MRTFB: variants seen among roughly 807,000 people sequenced by gnomAD.
MRTFB encodes myocardin related transcription factor B, also known as myocardin-related transcription factor B.
Under a neutral mutation model 104.2 loss-of-function variants are expected in MRTFB, and 29 were observed. That is an observed-to-expected ratio of 0.28 (90% CI 0.21 to 0.38). The LOEUF is 0.38. Among genes scored for constraint, MRTFB ranks in the 10% least tolerant of loss-of-function variants. The pLI is 1.00. For missense variants in MRTFB, 1,270 were observed against 1,341.6 expected, an observed-to-expected ratio of 0.95 and a Z score of 0.83; for synonymous variants, 535 against 519.5, an observed-to-expected ratio of 1.03 and a Z score of -0.41.
the MRTFB span, among the ~76,000 whole-genome samples, chr16:14,042,615 G>A: frequency 6.6e-6 from 1 of 152,304 alleles, no homozygotes; most frequent in East Asian, 1.9e-4. Flanking sequence ...AGAGACTTGT[G>A]TGGTTGTGTG....
chr16:13,995,070 C>T, the MRTFB span, among the ~76,000 whole-genome samples: 4 of 152,036 alleles, frequency 2.6e-5, no homozygotes, highest in African/African-American at 9.7e-5. Context: ...CAGAACAGAT[C>T]TGTAAACTCT....
At chr16:14,158,290 C>T (rs948718908) in intron 3 of MRTFB, among the ~76,000 whole-genome samples, 2 of 152,208 alleles carry the variant, frequency 1.3e-5, no homozygotes, top group Non-Finnish European at 2.9e-5. Flanking sequence ...TTCTTGCTTA[C>T]ACGGTAGGCC....
chr16:14,157,633 C>T (rs1385069907), intron 3 of MRTFB, among the ~76,000 whole-genome samples: 5 of 152,152 alleles, frequency 3.3e-5, no homozygotes, highest in African/African-American at 1.2e-4. Flanking sequence ...GGGAGGCTTC[C>T]ATGTCAAAAC....
intron 3 of MRTFB, among the ~76,000 whole-genome samples, chr16:14,164,181 A>G (rs2039145600): frequency 6.6e-6 from 1 of 152,166 alleles, no homozygotes; most frequent in East Asian, 1.9e-4. Context: ...TTACACCATT[A>G]ACCAATCTCT....
At chr16:14,025,941 T>A in the MRTFB span, among the ~76,000 whole-genome samples, 1 of 152,158 alleles carries the variant, frequency 6.6e-6, no homozygotes, top group Admixed American at 6.6e-5. Context: ...AAGTATACAC[T>A]GAAAATTACA....
intron 3 of MRTFB, among the ~76,000 whole-genome samples, chr16:14,168,239 G>A (rs149622247): frequency 1.3e-5 from 2 of 152,026 alleles, no homozygotes; most frequent in Middle Eastern, 3.4e-3. Context: ...GTGTGTGTGT[G>A]TGTGTATGCT....
At chr16:14,256,408 G>A (rs567039082) in intron 15 of MRTFB, among the ~76,000 whole-genome samples, 1 of 152,294 alleles carries the variant, frequency 6.6e-6, no homozygotes, top group African/African-American at 2.4e-5. Flanking sequence ...TCTCTGGGTT[G>A]GATTTAGCGA....
At chr16:14,235,640 A>C (rs1003302611) in intron 9 of MRTFB, among the ~76,000 whole-genome samples, 1 of 152,164 alleles carries the variant, frequency 6.6e-6, no homozygotes, top group African/African-American at 2.4e-5. Context: ...ACAGACCAGA[A>C]TTCTTCCAGT....
chr16:14,022,470 C>T, the MRTFB span, among the ~76,000 whole-genome samples: 1 of 152,304 alleles, frequency 6.6e-6, no homozygotes, highest in East Asian at 1.9e-4. Flanking sequence ...GATCTCCACT[C>T]ACTGCAACTT....
intron 7 of MRTFB, among the ~76,000 whole-genome samples, chr16:14,218,209 G>A (rs986061981): frequency 6.6e-6 from 1 of 152,042 alleles, no homozygotes; most frequent in Admixed American, 6.6e-5. Context: ...ACAGGCACCC[G>A]CCACATGCCC....
intron 8 of MRTFB, among the ~76,000 whole-genome samples, chr16:14,230,693 A>T (rs2042218924): frequency 6.6e-6 from 1 of 152,210 alleles, no homozygotes; most frequent in Non-Finnish European, 1.5e-5. Flanking sequence ...TGGGACTGTA[A>T]ACTAGTTCAA....
At chr16:14,153,633 A>T (rs1473523031) in intron 3 of MRTFB, among the ~76,000 whole-genome samples, 5 of 152,214 alleles carry the variant, frequency 3.3e-5, no homozygotes, top group Non-Finnish European at 5.9e-5. Flanking sequence ...GGACTAAAAA[A>T]ATTTTAATTT....
intron 2 of MRTFB, among the ~76,000 whole-genome samples, chr16:14,102,269 C>T (rs2035745268): frequency 6.6e-6 from 1 of 152,086 alleles, no homozygotes; most frequent in Non-Finnish European, 1.5e-5. Flanking sequence ...GGCTAAGCAG[C>T]TAGTTTTGTG....
chr16:14,132,836 G>T (rs1487974545), intron 2 of MRTFB, among the ~76,000 whole-genome samples: 1 of 152,180 alleles, frequency 6.6e-6, no homozygotes, highest in Non-Finnish European at 1.5e-5. Context: ...GCCAGGAGGT[G>T]TGCTAAGGTC....
At chr16:14,061,293 G>A in the MRTFB span, among the ~76,000 whole-genome samples, 14 of 152,314 alleles carry the variant, frequency 9.2e-5, no homozygotes, top group South Asian at 2.7e-3. Context: ...TGGCCCAGAA[G>A]AGATACTTAC....
intron 2 of MRTFB, among the ~76,000 whole-genome samples, chr16:14,117,161 T>C (rs1040630508): frequency 1.3e-5 from 2 of 152,264 alleles, no homozygotes; most frequent in African/African-American, 4.8e-5. Context: ...ATTTCCTGCC[T>C]TAGAGTTACA....
chr16:14,151,461 G>A (rs1394575623), intron 3 of MRTFB: 1 of 152,174 alleles, frequency 6.6e-6, no homozygotes, highest in Non-Finnish European at 1.5e-5. Context: ...TCAAAGTCAT[G>A]TTGTTCAAGG....
At chr16:14,074,190 A>G (rs761384821) in intron 1 of MRTFB, among the ~76,000 whole-genome samples, 5 of 152,348 alleles carry the variant, frequency 3.3e-5, no homozygotes, top group African/African-American at 4.8e-5. Context: ...ACAGAAGGCT[A>G]TACTTTAAAT....
At chr16:14,162,500 G>A (rs2039080301) in intron 3 of MRTFB, among the ~76,000 whole-genome samples, 1 of 152,180 alleles carries the variant, frequency 6.6e-6, no homozygotes, top group Non-Finnish European at 1.5e-5. Context: ...ATCTGCAGTA[G>A]CATGGTTAAA....
Sources: gnomAD v4.1 joint callset for allele counts (sites outside exome capture counted in the v4.1 genomes callset) on GRCh38, gnomAD v4.1.1 for gene constraint, MANE v1.5 for transcripts, NCBI Gene and HGNC (gene_info 2026-07-23, HGNC 2026-07-21) for gene names.